Variants in NEK6 observed in about 807,000 individuals in gnomAD.
The protein encoded by NEK6 is NIMA related kinase 6, also known as serine/threonine-protein kinase Nek6.
NEK6 carries 27 observed loss-of-function variants against 43.5 expected under a neutral mutation model. The ratio of observed to expected loss-of-function variants is 0.62; its 90% CI spans 0.46 to 0.86. The LOEUF (loss-of-function observed/expected upper bound fraction) is 0.86, where lower values mean the gene tolerates loss of function less well. Ranked by LOEUF, NEK6 falls within the 40% of genes least tolerant of loss-of-function variation. NEK6 has a pLI of 0.00. For missense variants in NEK6, 318 were observed against 414.4 expected (o/e 0.77, Z 2.02); for synonymous variants, 167 against 164.1 (o/e 1.02, Z -0.14).
chr9:124,286,778 G>A (rs901650756), intron 1 of NEK6, among the ~76,000 whole-genome samples: 1 of 152,240 alleles, frequency 6.6e-6, no homozygotes, highest in Non-Finnish European at 1.5e-5. Flanking sequence ...CCAGCCATGA[G>A]CTCCAGAGGC....
intron 1 of NEK6, among the ~76,000 whole-genome samples, chr9:124,290,307 G>T (rs10760347): frequency 0.42 from 63,274 of 152,126 alleles, 13,799 homozygotes; most frequent in East Asian, 0.64. Context: ...TCCTCAAGGG[G>T]TGCCACACGC....
chr9:124,287,839 C>A (rs1454146572), intron 1 of NEK6, among the ~76,000 whole-genome samples: 3 of 151,812 alleles, frequency 2.0e-5, no homozygotes, highest in East Asian at 1.9e-4. Context: ...GAAAAAAAAA[C>A]CGCCCAGAAG....
chr9:124,325,153 C>T (rs944163700), intron 5 of NEK6, among the ~76,000 whole-genome samples: 15 of 151,140 alleles, frequency 9.9e-5, no homozygotes, highest in Admixed American at 6.6e-4. Context: ...CCAGCCTGGG[C>T]GACAGAGGGA....
intron 1 of NEK6, among the ~76,000 whole-genome samples, chr9:124,261,761 G>A (rs1469281946): frequency 6.6e-6 from 1 of 152,136 alleles, no homozygotes; most frequent in African/African-American, 2.4e-5. Flanking sequence ...AAAGGAAAAG[G>A]TATTTCTCTC....
intron 1 of NEK6, among the ~76,000 whole-genome samples, chr9:124,277,507 C>T (rs964750701): frequency 1.3e-5 from 2 of 152,212 alleles, no homozygotes; most frequent in African/African-American, 4.8e-5. Flanking sequence ...CTACCCTTTC[C>T]TGCTGGGTGT....
intron 1 of NEK6, among the ~76,000 whole-genome samples, chr9:124,271,539 T>C (rs962383115): frequency 5.3e-5 from 8 of 152,276 alleles, no homozygotes; most frequent in African/African-American, 1.9e-4. Context: ...AACTTTGAGC[T>C]GATCCTGTTT....
chr9:124,258,632 G>T (rs2118829497), intron 1 of NEK6, among the ~76,000 whole-genome samples: 1 of 152,362 alleles, frequency 6.6e-6, no homozygotes, highest in South Asian at 2.1e-4. Flanking sequence ...GGCCCCCTTT[G>T]CGCCCACCAG....
intron 1 of NEK6, chr9:124,292,631 G>A (rs1832479002): frequency 6.8e-6 from 10 of 1,465,592 alleles, no homozygotes; most frequent in Admixed American, 2.0e-5. Context: ...TAGTAGCTGC[G>A]GTTCTGCTCT....
At position 124,326,671 on chromosome 9, in the gene NEK6, C is replaced by A. The variant is rs1834356052; in HGVS notation, c.514+233C>A. Among the ~76,000 whole-genome samples, 1 of 152,186 alleles carries A rather than the reference C, an allele frequency of 6.6e-6. No individual in the cohort carries two copies. The highest frequency in any genetic ancestry group is 2.4e-5 in the African/African-American group (1 of 41,444). On this transcript the variant is annotated intron_variant, in intron 6 of 9. Transcript: ENST00000320246. The surrounding 1 kb of genome is among the most constrained non-coding windows in gnomAD (Gnocchi z 4.5). ...GGGGCAGGGGCCCCGCTTGGCACACCACTTCCAGTTCCCCACAGCAGCCTG... is the reference window on the plus strand; with the variant it reads ...GGGGCAGGGGCCCCGCTTGGCACACAACTTCCAGTTCCCCACAGCAGCCTG...
At chr9:124,289,816 T>G (rs764341236) in intron 1 of NEK6, among the ~76,000 whole-genome samples, 7 of 152,152 alleles carry the variant, frequency 4.6e-5, no homozygotes, top group Non-Finnish European at 7.4e-5. Context: ...TCCAACCCAC[T>G]CATGTTGCAG....
chr9:124,328,687 T>C (rs912355), intron 7 of NEK6, among the ~76,000 whole-genome samples: 99,342 of 152,176 alleles, frequency 0.65, 32,672 homozygotes, highest in East Asian at 0.8. Context: ...TCACAGTGTC[T>C]TGTGGAAAGT....
intron 1 of NEK6, among the ~76,000 whole-genome samples, chr9:124,267,600 C>T (rs926114289): frequency 6.6e-6 from 1 of 152,194 alleles, no homozygotes; most frequent in South Asian, 2.1e-4. Context: ...GTGGTGACAG[C>T]GTGGCATTTG....
intron 1 of NEK6, among the ~76,000 whole-genome samples, chr9:124,272,193 C>T (rs986860027): frequency 1.4e-4 from 21 of 152,238 alleles, no homozygotes; most frequent in Non-Finnish European, 2.9e-4. Flanking sequence ...GCCCCTGTGA[C>T]GCTCTGGGGA....
At chr9:124,292,651 C>A in intron 1 of NEK6, 1 of 1,401,402 alleles carries the variant, frequency 7.1e-7, no homozygotes, top group Non-Finnish European at 9.7e-7. Flanking sequence ...TGAAATCCAT[C>A]CCTTCCCTTA....
At position 124,351,798 on chromosome 9, in the gene NEK6, A is replaced by G. The variant is rs1830286648; in HGVS notation, c.*851A>G. 6.6e-6 allele frequency: 1 copy of G among 152,212 alleles called. No homozygotes were observed. Among genetic ancestry groups the G allele is most frequent in the Non-Finnish European group, 1.5e-5 (1 of 68,044 alleles). 9.4% of individuals were successfully genotyped at this position (152,212 alleles called of 1,614,324 possible). ...TTGGGCAAGTTTCTTAGCCGTTCTGAGCCTTCATTTCCTCATCTGTACAAT... is the reference window on the plus strand; with the variant it reads ...TTGGGCAAGTTTCTTAGCCGTTCTGGGCCTTCATTTCCTCATCTGTACAAT... On this transcript the variant is annotated 3_prime_UTR_variant, in exon 10 of 10. Coordinates refer to ENST00000320246, the MANE Select transcript of NEK6 (RefSeq NM_014397.6).
intron 1 of NEK6, among the ~76,000 whole-genome samples, chr9:124,260,006 G>A (rs762068814): frequency 6.1e-5 from 9 of 148,512 alleles, no homozygotes; most frequent in Non-Finnish European, 1.2e-4. Context: ...GGGGCTGTGT[G>A]CTGGGAGCCG....
chr9:124,275,946 C>T lies in NEK6; in HGVS notation c.-30+17861C>T, dbSNP rs1045137303. On this transcript the variant is annotated intron_variant, in intron 1 of 9. Transcript: ENST00000320246. The surrounding 1 kb of genome is among the most constrained non-coding windows in gnomAD (Gnocchi z 4.4). ...ACTCACATACCCATTGTGCCTGCTG[C>T]GGTGATCCTTTAAACGACAGTTAGG... 1.3e-5 allele frequency among the ~76,000 whole-genome samples: 2 copies of T among 152,230 alleles called. No homozygotes were observed. Among genetic ancestry groups the T allele is most frequent in the Non-Finnish European group, 2.9e-5 (2 of 68,038 alleles).
intron 1 of NEK6, chr9:124,261,536 C>T: frequency 1.4e-5 from 14 of 985,444 alleles, no homozygotes; most frequent in Non-Finnish European, 1.7e-5. Context: ...GTCACCTTCA[C>T]GGGCCTGACT....
Position 124,352,048 on chromosome 9 carries a change from T to TAAC in NEK6, c.*1102_*1104dup, listed in dbSNP as rs1434187429. 6.5e-6 allele frequency: 1 copy of TAAC among 152,686 alleles called. No homozygotes were observed. Among genetic ancestry groups the TAAC allele is most frequent in the Non-Finnish European group, 1.5e-5 (1 of 68,042 alleles). The allele number at this position is 152,686 out of a possible 1,614,324, so 9.5% of individuals were successfully genotyped here. On this transcript the variant is annotated 3_prime_UTR_variant, in exon 10 of 10. Coordinates refer to ENST00000320246, the MANE Select transcript of NEK6 (RefSeq NM_014397.6). ...CTTATTTCTTGTTCCCAAACAGGAT[T>TAAC]AACTGTGAAGACTAATTTATAAATG...
Sources: allele counts gnomAD v4.1 joint callset (sites outside exome capture counted in the v4.1 genomes callset), GRCh38; gene constraint gnomAD v4.1.1; non-coding constraint Gnocchi (gnomAD v3.1); transcripts MANE v1.5; gene names NCBI Gene and HGNC (gene_info 2026-07-23, HGNC 2026-07-21).